Variants in ANKRD28 observed in about 807,000 individuals in gnomAD.
The protein encoded by ANKRD28 is serine/threonine-protein phosphatase 6 regulatory ankyrin repeat subunit A.
In ANKRD28, 44 loss-of-function variants were observed where a neutral mutation model predicts 126.5. That is an observed-to-expected ratio of 0.35 (90% CI 0.27 to 0.45). The LOEUF (loss-of-function observed/expected upper bound fraction) is 0.45, where lower values mean the gene tolerates loss of function less well. ANKRD28 is among the 20% of genes least tolerant of loss of function. ANKRD28 has a pLI of 1.00. For synonymous variants in ANKRD28, 442 were observed against 468.5 expected (o/e 0.94, Z 0.73); for missense variants, 1,110 against 1,316.6 (o/e 0.84, Z 2.43).
intron 2 of ANKRD28, among the ~76,000 whole-genome samples, chr3:15,771,703 T>C (rs1263097659): frequency 6.6e-6 from 1 of 152,178 alleles, no homozygotes; most frequent in East Asian, 1.9e-4. Context: ...GAAGATCACA[T>C]TTCAACATGA....
chr3:15,765,309 A>T (rs1179738361), intron 3 of ANKRD28, among the ~76,000 whole-genome samples: 1 of 152,214 alleles, frequency 6.6e-6, no homozygotes, highest in Non-Finnish European at 1.5e-5. Context: ...TTTAGAAAAA[A>T]TAATAAAGGA....
At chr3:15,687,977 G>A (rs1407414154) in intron 18 of ANKRD28, among the ~76,000 whole-genome samples, 10 of 152,146 alleles carry the variant, frequency 6.6e-5, no homozygotes, top group Admixed American at 6.5e-4. Context: ...GCTTATAGAT[G>A]CTCTCTATAG....
chr3:15,792,612 C>CAA (rs34657726), intron 2 of ANKRD28, among the ~76,000 whole-genome samples: 2 of 151,416 alleles, frequency 1.3e-5, no homozygotes, highest in Non-Finnish European at 2.9e-5. Context: ...TTAATGGGTA[C>CAA]AAAAAAATAG....
upstream of ANKRD28, among the ~76,000 whole-genome samples, chr3:15,800,080 T>C (rs2060432762): frequency 1.3e-5 from 2 of 152,036 alleles, no homozygotes; most frequent in Non-Finnish European, 1.5e-5. Context: ...GGGGTGATGG[T>C]TAAAACTAAG....
intron 14 of ANKRD28, among the ~76,000 whole-genome samples, chr3:15,700,006 C>T (rs1380149743): frequency 1.3e-5 from 2 of 152,162 alleles, no homozygotes; most frequent in Non-Finnish European, 2.9e-5. Context: ...CAATGATAGA[C>T]TGGATTAAGA....
At chr3:15,685,761 A>G (rs555754101) in intron 20 of ANKRD28, among the ~76,000 whole-genome samples, 1 of 152,324 alleles carries the variant, frequency 6.6e-6, no homozygotes, top group African/African-American at 2.4e-5. Context: ...AAAAAGTCAA[A>G]TTGACATTAA....
At position 15,797,905 on chromosome 3, in the gene ANKRD28, T is replaced by C. The variant is rs2060349241; in HGVS notation, c.-1384A>G. On this transcript the variant is annotated 5_prime_UTR_variant, in exon 1 of 28. Coordinates refer to ENST00000683139, the MANE Select transcript of ANKRD28 (RefSeq NM_001349278.2). ...CAGAAGCATTCCAACGGAGCAACAG[T>C]CTGAAGAGCAAAGACTGCAGACCCA... 2.0e-6 allele frequency: 2 copies of C among 985,208 alleles called. No homozygotes were observed. Among genetic ancestry groups the C allele is most frequent in the South Asian group, 4.7e-5 (1 of 21,280 alleles). The allele number at this position is 985,208 out of a possible 1,614,324, so 61.0% of individuals were successfully genotyped here. A position where few individuals can be genotyped will look rare whatever the true frequency, so the allele number is the denominator to read the frequency against.
intron 1 of ANKRD28, among the ~76,000 whole-genome samples, chr3:15,825,410 T>C (rs181128582): frequency 6.8e-4 from 104 of 152,310 alleles, no homozygotes; most frequent in Middle Eastern, 3.4e-3. Context: ...CACTTCAAAA[T>C]GTTTTAAAAA....
chr3:15,767,533 T>C (rs1275370190), intron 2 of ANKRD28, among the ~76,000 whole-genome samples: 4 of 151,802 alleles, frequency 2.6e-5, no homozygotes, highest in African/African-American at 7.3e-5. Flanking sequence ...AAATTAATAA[T>C]GGGCACAACT....
Position 15,812,239 on chromosome 3 carries a change from C to T in ANKRD28, c.28-16933G>A, listed in dbSNP as rs74703025. Among the ~76,000 whole-genome samples the T allele has an allele frequency of 0.017, 2,592 of 152,256 alleles. 76 individuals are homozygous for T. The highest frequency in any genetic ancestry group is 0.06 in the African/African-American group (2,474 of 41,518). On this transcript the variant is annotated intron_variant, in intron 1 of 27. Coordinates refer to the ANKRD28 transcript ENST00000399451. The surrounding 1 kb of genome is among the most constrained non-coding windows in gnomAD (Gnocchi z 4.1). Reference sequence around the variant, plus strand: ...TCAAAGATGGCATCATAGAGCTGGGCACAGCGGTGTACACCTGTAGTCCCA... The same window carrying T: ...TCAAAGATGGCATCATAGAGCTGGGTACAGCGGTGTACACCTGTAGTCCCA...
chr3:15,795,362 G>T, intron 1 of ANKRD28, 56 bp from the exon 2 acceptor site: 1 of 1,197,236 alleles, frequency 8.4e-7, no homozygotes, highest in Non-Finnish European at 1.2e-6. Flanking sequence ...GGTGACTAAG[G>T]ATATTTTACA....
rs1315582039 is a variant in ANKRD28, at chr3:15,843,439, T to C, written c.27+15938A>G. ...CCCCATCTGAGCATCAGAATCTTAATAGCGTCCATCCGGACACCAATATAC... is the reference window on the plus strand; with the variant it reads ...CCCCATCTGAGCATCAGAATCTTAACAGCGTCCATCCGGACACCAATATAC... On this transcript the variant is annotated intron_variant, in intron 1 of 27. Coordinates refer to the ANKRD28 transcript ENST00000399451. The surrounding 1 kb of genome is among the most constrained non-coding windows in gnomAD (Gnocchi z 5.2). Among the ~76,000 whole-genome samples the C allele has an allele frequency of 1.3e-5, 2 of 152,108 alleles. No homozygotes were observed. Among genetic ancestry groups the C allele is most frequent in the African/African-American group, 2.4e-5 (1 of 41,424 alleles).
intron 14 of ANKRD28, among the ~76,000 whole-genome samples, chr3:15,705,046 A>G (rs1383516080): frequency 6.6e-6 from 1 of 152,116 alleles, no homozygotes; most frequent in East Asian, 1.9e-4. Flanking sequence ...CTCATACTCA[A>G]ATGGGTACAG....
At chr3:15,786,342 T>C (rs1049873047) in intron 2 of ANKRD28, among the ~76,000 whole-genome samples, 2 of 151,972 alleles carry the variant, frequency 1.3e-5, no homozygotes, top group African/African-American at 4.8e-5. Flanking sequence ...TTAAAACTGC[T>C]CTACAACATA....
intron 1 of ANKRD28, among the ~76,000 whole-genome samples, chr3:15,856,615 T>C (rs527887050): frequency 6.6e-6 from 1 of 152,324 alleles, no homozygotes; most frequent in African/African-American, 2.4e-5. Context: ...TTAAAAATCA[T>C]TTTCATCTAC....
At chr3:15,698,177 C>T (rs189864246) in intron 14 of ANKRD28, among the ~76,000 whole-genome samples, 2 of 152,030 alleles carry the variant, frequency 1.3e-5, no homozygotes, top group Admixed American at 1.3e-4. Context: ...AGGCCTTCGA[C>T]AAAATTCAAC....
chr3:15,755,758 A>G (rs2058120809), intron 3 of ANKRD28, among the ~76,000 whole-genome samples: 2 of 152,224 alleles, frequency 1.3e-5, no homozygotes, highest in African/African-American at 4.8e-5. Context: ...TCTACATGGT[A>G]GAAGATAGTA....
chr3:15,842,762 A>G lies in ANKRD28; in HGVS notation c.27+16615T>C, dbSNP rs184798345. Among the ~76,000 whole-genome samples, 52 of 152,336 alleles carry G rather than the reference A, an allele frequency of 3.4e-4. No homozygotes were observed. In the East Asian group the frequency reaches 9.8e-3, roughly 29 times the overall value. ...ACAAAAATTTTTTAAAACATAAATA[A>G]AAGTTTGGTTTTTTTGGAATATTAC... is the stretch of plus-strand genomic sequence containing the variant. On this transcript the variant is annotated intron_variant, in intron 1 of 27. Coordinates refer to the ANKRD28 transcript ENST00000399451.
chr3:15,682,599 T>C (rs1451892290), intron 21 of ANKRD28, among the ~76,000 whole-genome samples: 1 of 152,248 alleles, frequency 6.6e-6, no homozygotes, highest in East Asian at 1.9e-4. Context: ...TAAACTGAAA[T>C]TGTGAACTTT....
Sources: allele counts gnomAD v4.1 joint callset (sites outside exome capture counted in the v4.1 genomes callset), GRCh38; gene constraint gnomAD v4.1.1; non-coding constraint Gnocchi (gnomAD v3.1); transcripts MANE v1.5; gene names NCBI Gene and HGNC (gene_info 2026-07-23, HGNC 2026-07-21).